Variants in RALYL observed in about 807,000 individuals in gnomAD.
RALYL encodes the protein RNA-binding Raly-like protein.
A neutral mutation model predicts 35.1 loss-of-function variants in RALYL; 29 were observed. The observed-to-expected ratio is 0.83, with a 90% CI of 0.61 to 1.13. The LOEUF (loss-of-function observed/expected upper bound fraction) is 1.13. Among genes scored for constraint, RALYL ranks in the 50% most tolerant of loss-of-function variants. RALYL has a pLI of 0.00. For synonymous variants in RALYL, 120 were observed against 127.6 expected (o/e 0.94, Z 0.40); for missense variants, 359 against 360.4 (o/e 1.00, Z 0.03).
At chr8:84,322,495 C>G (rs1845054214) in intron 1 of RALYL, among the ~76,000 whole-genome samples, 1 of 152,072 alleles carries the variant, frequency 6.6e-6, no homozygotes, top group Non-Finnish European at 1.5e-5. Context: ...CTTCCACTTT[C>G]ATCTGGGCTT....
intron 2 of RALYL, among the ~76,000 whole-genome samples, chr8:84,560,897 C>A (rs1160151836): frequency 6.6e-6 from 1 of 151,912 alleles, no homozygotes; most frequent in East Asian, 1.9e-4. Flanking sequence ...ATTTCTGGTT[C>A]TCTGTAATTA....
chr8:84,795,378 TC>T (rs752463741), intron 3 of RALYL, among the ~76,000 whole-genome samples: 40 of 152,044 alleles, frequency 2.6e-4, no homozygotes, highest in Non-Finnish European at 4.3e-4. Context: ...GTTTACTGAT[TC>T]CTTTTTATCT....
intron 2 of RALYL, among the ~76,000 whole-genome samples, chr8:84,684,994 G>A (rs531340747): frequency 2.0e-5 from 3 of 152,236 alleles, no homozygotes; most frequent in South Asian, 4.1e-4. Flanking sequence ...GTGTGCTCAC[G>A]TGACTTCTTT....
chr8:84,612,315 C>T (rs1818485044), intron 2 of RALYL, among the ~76,000 whole-genome samples: 1 of 151,956 alleles, frequency 6.6e-6, no homozygotes, highest in Admixed American at 6.6e-5. Flanking sequence ...GAATACCTAG[C>T]AATATCAGTT....
At chr8:84,386,201 G>T (rs1285774516) in intron 1 of RALYL, among the ~76,000 whole-genome samples, 1 of 151,808 alleles carries the variant, frequency 6.6e-6, no homozygotes, top group Non-Finnish European at 1.5e-5. Flanking sequence ...CACTCTGGGA[G>T]CTTCAAGTGA....
chr8:84,832,015 G>T (rs1238392357), intron 4 of RALYL, among the ~76,000 whole-genome samples: 1 of 152,030 alleles, frequency 6.6e-6, no homozygotes, highest in African/African-American at 2.4e-5. Context: ...CTAGAGGAAT[G>T]ACAATGTTTA....
At chr8:84,200,515 C>A (rs1816600247) in intron 1 of RALYL, among the ~76,000 whole-genome samples, 1 of 152,046 alleles carries the variant, frequency 6.6e-6, no homozygotes, top group Admixed American at 6.6e-5. Flanking sequence ...TTCCTTCATG[C>A]AGTTTTTGCT....
At position 84,213,952 on chromosome 8, in the gene RALYL, A is replaced by G. The variant is rs1586230880; in HGVS notation, c.-24+29528A>G. ...TTTCATTGATATTATTGGAATTTGAATGAAGAAAATGTGAACAGAGTTTAA... is the reference window on the plus strand; with the variant it reads ...TTTCATTGATATTATTGGAATTTGAGTGAAGAAAATGTGAACAGAGTTTAA... On this transcript the variant is annotated intron_variant, in intron 1 of 8. Coordinates refer to ENST00000521268, the MANE Select transcript of RALYL (RefSeq NM_173848.7). Among the ~76,000 whole-genome samples, 6 of 152,292 alleles carry G rather than the reference A, an allele frequency of 3.9e-5. No individual in the cohort carries two copies. The South Asian group carries it at 1.0e-3, about 26-fold the overall frequency.
chr8:84,353,492 C>T (rs1851286812), intron 1 of RALYL, among the ~76,000 whole-genome samples: 1 of 150,336 alleles, frequency 6.7e-6, no homozygotes, highest in African/African-American at 2.5e-5. Flanking sequence ...AAAATTCATC[C>T]CTTCACCTAA....
chr8:84,204,359 TTG>T (rs1817601329), intron 1 of RALYL, among the ~76,000 whole-genome samples: 1 of 152,166 alleles, frequency 6.6e-6, no homozygotes, highest in Non-Finnish European at 1.5e-5. Context: ...TATTCTGCCG[TTG>T]TCTTAAAATT....
At chr8:84,421,982 T>C (rs1196039788) in intron 1 of RALYL, among the ~76,000 whole-genome samples, 1 of 152,198 alleles carries the variant, frequency 6.6e-6, no homozygotes. Context: ...GCATCAATTT[T>C]CATCAAGGTT....
chr8:84,694,512 A>AT (rs1421968027), intron 2 of RALYL, among the ~76,000 whole-genome samples: 1 of 151,852 alleles, frequency 6.6e-6, no homozygotes, highest in Non-Finnish European at 1.5e-5. Flanking sequence ...AAGAATTAAT[A>AT]TTTTTTAAAT....
chr8:84,205,693 A>T (rs1025890679), intron 1 of RALYL, among the ~76,000 whole-genome samples: 1 of 152,204 alleles, frequency 6.6e-6, no homozygotes, highest in Non-Finnish European at 1.5e-5. Flanking sequence ...TATCTTTGTA[A>T]ATCTACCTTA....
At chr8:84,721,271 A>G (rs987226224) in intron 2 of RALYL, among the ~76,000 whole-genome samples, 2 of 152,096 alleles carry the variant, frequency 1.3e-5, no homozygotes, top group African/African-American at 4.8e-5. Context: ...CAGCAGTTTC[A>G]TTACTGAGTA....
intron 1 of RALYL, among the ~76,000 whole-genome samples, chr8:84,206,106 G>A (rs557617564): frequency 1.2e-4 from 19 of 152,272 alleles, no homozygotes; most frequent in African/African-American, 4.6e-4. Context: ...TCCAAATGCA[G>A]ACATATTCTG....
At chr8:84,662,841 C>T (rs1374877040) in intron 2 of RALYL, among the ~76,000 whole-genome samples, 1 of 151,880 alleles carries the variant, frequency 6.6e-6, no homozygotes, top group African/African-American at 2.4e-5. Context: ...GGATTTTGAA[C>T]TTTTAAGTTC....
At chr8:84,908,597 A>T (rs565744420) in intron 8 of RALYL, among the ~76,000 whole-genome samples, 2 of 152,018 alleles carry the variant, frequency 1.3e-5, no homozygotes, top group Admixed American at 6.6e-5. Flanking sequence ...TTATCCATTC[A>T]CCCATTGTTA....
At chr8:84,325,431 A>T (rs1486157205) in intron 1 of RALYL, among the ~76,000 whole-genome samples, 1 of 152,202 alleles carries the variant, frequency 6.6e-6, no homozygotes, top group East Asian at 1.9e-4. Flanking sequence ...GATGTACTCA[A>T]CGCCTCTGGA....
chr8:84,797,993 ATCT>A (rs1263070608), intron 3 of RALYL, among the ~76,000 whole-genome samples: 2 of 152,178 alleles, frequency 1.3e-5, no homozygotes, highest in African/African-American at 2.4e-5. Context: ...GCCAGAACAG[ATCT>A]TCTGCCCCCT....
Sources: gnomAD v4.1 joint callset for allele counts (sites outside exome capture counted in the v4.1 genomes callset) on GRCh38, gnomAD v4.1.1 for gene constraint, MANE v1.5 for transcripts, NCBI Gene and HGNC (gene_info 2026-07-23, HGNC 2026-07-21) for gene names.